Variants in SND1 observed in about 807,000 individuals in gnomAD.
SND1 encodes the protein staphylococcal nuclease and tudor domain containing 1.
In SND1, 38 loss-of-function variants were observed where a neutral mutation model predicts 121.7. That is an observed-to-expected ratio of 0.31 (90% CI 0.24 to 0.41). SND1 has a LOEUF of 0.41. Ranked by LOEUF, SND1 falls within the 10% of genes least tolerant of loss-of-function variation. SND1 has a pLI of 1.00. For missense variants in SND1, 868 were observed against 1,184.6 expected, an observed-to-expected ratio of 0.73 and a Z score of 3.92; for synonymous variants, 401 against 447.4, an observed-to-expected ratio of 0.90 and a Z score of 1.31.
At chr7:128,001,533 C>A (rs1227147621) in intron 16 of SND1, among the ~76,000 whole-genome samples, 2 of 152,228 alleles carry the variant, frequency 1.3e-5, no homozygotes, top group Middle Eastern at 3.2e-3. Flanking sequence ...TACCTTCTCA[C>A]TAGGGTTACT....
intron 11 of SND1, among the ~76,000 whole-genome samples, chr7:127,813,540 G>A (rs1049581350): frequency 8.5e-5 from 13 of 152,090 alleles, no homozygotes; most frequent in African/African-American, 3.1e-4. Context: ...TTGGTGAAGT[G>A]TGTTATTTGT....
At chr7:127,912,022 C>T (rs997466221) in intron 14 of SND1, among the ~76,000 whole-genome samples, 26 of 151,372 alleles carry the variant, frequency 1.7e-4, no homozygotes, top group Admixed American at 1.6e-3. Context: ...CTATGTTGCT[C>T]AGGCTGGACT....
intron 10 of SND1, among the ~76,000 whole-genome samples, chr7:127,740,196 T>C (rs987415320): frequency 1.3e-5 from 2 of 152,224 alleles, no homozygotes; most frequent in African/African-American, 4.8e-5. Flanking sequence ...TATTTGTTTG[T>C]AATGGACACA....
intron 12 of SND1, among the ~76,000 whole-genome samples, chr7:127,879,607 G>A (rs142547804): frequency 7.9e-5 from 12 of 152,224 alleles, no homozygotes; most frequent in African/African-American, 2.2e-4. Flanking sequence ...CATAGCTGAC[G>A]ATAAGTGAGA....
At chr7:127,735,399 G>A (rs1283637507) in intron 10 of SND1, among the ~76,000 whole-genome samples, 2 of 151,990 alleles carry the variant, frequency 1.3e-5, no homozygotes, top group Non-Finnish European at 2.9e-5. Flanking sequence ...CACTTTTGGA[G>A]GCACCATAAT....
intron 10 of SND1, among the ~76,000 whole-genome samples, chr7:127,736,681 C>T (rs1198883717): frequency 6.6e-6 from 1 of 152,216 alleles, no homozygotes; most frequent in African/African-American, 2.4e-5. Flanking sequence ...CTCTAATCAC[C>T]TAATTCCTTA....
chr7:127,927,631 T>C (rs996512185), intron 14 of SND1, among the ~76,000 whole-genome samples: 1 of 152,232 alleles, frequency 6.6e-6, no homozygotes, highest in African/African-American at 2.4e-5. Flanking sequence ...TTAGAGACAC[T>C]GAGAATGGAT....
intron 13 of SND1, among the ~76,000 whole-genome samples, chr7:127,893,794 T>C (rs1800061099): frequency 6.6e-6 from 1 of 152,108 alleles, no homozygotes; most frequent in Admixed American, 6.6e-5. Context: ...AGTGTGAACC[T>C]GCCCTCATCT....
chr7:127,723,879 C>T (rs1424252501), intron 10 of SND1, among the ~76,000 whole-genome samples: 1 of 152,200 alleles, frequency 6.6e-6, no homozygotes, highest in Non-Finnish European at 1.5e-5. Flanking sequence ...ATCATTTCAA[C>T]ATTTAATGAA....
intron 17 of SND1, among the ~76,000 whole-genome samples, chr7:128,080,951 G>A (rs1421328974): frequency 6.6e-6 from 1 of 151,028 alleles, no homozygotes; most frequent in Non-Finnish European, 1.5e-5. Flanking sequence ...ACAGTCACTC[G>A]CCCAGGGCCG....
At chr7:127,718,783 T>C (rs1176784501) in intron 9 of SND1, 2 of 973,986 alleles carry the variant, frequency 2.1e-6, no homozygotes, top group Non-Finnish European at 2.4e-6. Context: ...ATACTTTCTT[T>C]GGTTTTATTA....
chr7:127,653,975 A>C (rs571862529), intron 1 of SND1, among the ~76,000 whole-genome samples: 40 of 152,318 alleles, frequency 2.6e-4, no homozygotes, highest in Middle Eastern at 3.4e-3. Flanking sequence ...ATTTGCACTG[A>C]TCTTCTCTTC....
chr7:127,898,155 A>G (rs1285969205), intron 13 of SND1, among the ~76,000 whole-genome samples: 1 of 152,070 alleles, frequency 6.6e-6, no homozygotes, highest in Non-Finnish European at 1.5e-5. Flanking sequence ...CTGTAGATCC[A>G]TTGTCATACC....
chr7:127,950,293 T>C (rs936915349), intron 15 of SND1, among the ~76,000 whole-genome samples: 2 of 152,184 alleles, frequency 1.3e-5, no homozygotes, highest in Non-Finnish European at 2.9e-5. Flanking sequence ...GAGAACAGGT[T>C]CTGGAGCCAG....
At chr7:127,718,485 C>G (rs569662340) in intron 9 of SND1, 1 of 721,372 alleles carries the variant, frequency 1.4e-6, no homozygotes, top group Non-Finnish European at 1.7e-6. Flanking sequence ...TATACACACA[C>G]GCGGACACGC....
chr7:127,851,571 C>A (rs1799165552), intron 12 of SND1, among the ~76,000 whole-genome samples: 1 of 152,136 alleles, frequency 6.6e-6, no homozygotes, highest in African/African-American at 2.4e-5. Context: ...ATCACTTATT[C>A]ATTTAGCCAC....
At chr7:127,968,606 T>C (rs1710920661) in intron 15 of SND1, among the ~76,000 whole-genome samples, 1 of 152,264 alleles carries the variant, frequency 6.6e-6, no homozygotes, top group African/African-American at 2.4e-5. Context: ...TATGTTCATA[T>C]AGTTTGCACA....
intron 16 of SND1, among the ~76,000 whole-genome samples, chr7:128,024,048 G>A (rs1278642926): frequency 7.8e-6 from 1 of 127,420 alleles, no homozygotes; most frequent in Non-Finnish European, 1.6e-5. Flanking sequence ...GTGCTTGTAA[G>A]CACTATGCTA....
At chr7:127,879,143 A>G (rs988936204) in intron 12 of SND1, among the ~76,000 whole-genome samples, 1 of 152,170 alleles carries the variant, frequency 6.6e-6, no homozygotes, top group African/African-American at 2.4e-5. Flanking sequence ...GTAACTTCAT[A>G]AAAGATATTT....
Sources: allele counts gnomAD v4.1 joint callset (sites outside exome capture counted in the v4.1 genomes callset), GRCh38; gene constraint gnomAD v4.1.1; transcripts MANE v1.5; gene names NCBI Gene and HGNC (gene_info 2026-07-23, HGNC 2026-07-21).